The following C6 variants were observed in gnomAD, a reference collection of about 807,000 sequenced individuals.
C6 encodes complement C6.
Under a neutral mutation model 112.9 loss-of-function variants are expected in C6, and 101 were observed. The observed-to-expected ratio is 0.89, with a 90% confidence interval of 0.76 to 1.06. The LOEUF (loss-of-function observed/expected upper bound fraction) is 1.06. Ranked by LOEUF, C6 falls within the 50% of genes least tolerant of loss-of-function variation. The probability of loss-of-function intolerance (pLI) is 0.00; values close to 1 mark genes in which losing one functional copy is unlikely to be tolerated. For synonymous variants in C6, 431 were observed against 384.1 expected, an observed-to-expected ratio of 1.12 and a Z score of -1.43; for missense variants, 1,202 against 1,104.6, an observed-to-expected ratio of 1.09 and a Z score of -1.25.
intron 15 of C6, 114 bp downstream of exon 15, chr5:41,153,696 T>G (rs562930613): frequency 2.5e-6 from 2 of 808,388 alleles, no homozygotes. Context: ...CTGTCTAAAC[T>G]TGCATCTTTT....
intron 1 of C6, among the ~76,000 whole-genome samples, chr5:41,235,323 G>A (rs13357482): frequency 0.023 from 3,286 of 142,622 alleles, 129 homozygotes; most frequent in African/African-American, 0.082. Flanking sequence ...GAGAATATGC[G>A]GTGTTTGGTT....
chr5:41,187,247 G>A (rs1316447625), intron 5 of C6, among the ~76,000 whole-genome samples: 3 of 152,074 alleles, frequency 2.0e-5, no homozygotes, highest in Admixed American at 2.0e-4. Context: ...TGATAGTTGT[G>A]GGGGCTCAAG....
chr5:41,208,919 A>C (rs1751666140), intron 1 of C6, among the ~76,000 whole-genome samples: 1 of 152,120 alleles, frequency 6.6e-6, no homozygotes, highest in Admixed American at 6.6e-5. Flanking sequence ...ACACAACGAA[A>C]AAAGAGAATT....
Position 41,161,749 on chromosome 5 carries a change from T to C in C6, c.1402A>G (p.Thr468Ala). 6.2e-7 allele frequency: 1 copy of C among 1,613,704 alleles called. No individual in the cohort carries two copies. Among genetic ancestry groups the C allele is most frequent in the Non-Finnish European group, 8.5e-7 (1 of 1,179,708 alleles). Reference sequence around the variant, plus strand: ...ACTGATTCTAACCACTCAGAAAATGTCTTCTCCTCCAGACCAGAGCTCCCT... The same window carrying C: ...ACTGATTCTAACCACTCAGAAAATGCCTTCTCCTCCAGACCAGAGCTCCCT... The part of the protein sequence containing the change: ...EKGSSGLEEK[T>A]FSEWLESVKE... The change falls in exon 10 of 18, where the codon ACA (threonine) becomes GCA (alanine). Residue 468 changes from threonine (T) to alanine (A), a missense_variant. Thr to Ala is a moderately conservative substitution (Grantham distance 58). Transcript: ENST00000337836.
At chr5:41,150,969 G>A (rs1746338957) in intron 15 of C6, among the ~76,000 whole-genome samples, 2 of 152,176 alleles carry the variant, frequency 1.3e-5, no homozygotes, top group Admixed American at 6.5e-5. Flanking sequence ...AAAACAAGAG[G>A]ATGGAACAAG....
upstream of C6, among the ~76,000 whole-genome samples, chr5:41,217,770 A>G (rs887709879): frequency 3.9e-5 from 6 of 152,094 alleles, no homozygotes; most frequent in African/African-American, 1.4e-4. Flanking sequence ...CTAGGATTAT[A>G]CAGAAACTTA....
chr5:41,179,296 G>C (rs1433026535), intron 7 of C6, among the ~76,000 whole-genome samples: 1 of 152,120 alleles, frequency 6.6e-6, no homozygotes, highest in Non-Finnish European at 1.5e-5. Context: ...CTACATATAA[G>C]GGTTTTACAA....
intron 1 of C6, among the ~76,000 whole-genome samples, chr5:41,238,566 A>G (rs1486444834): frequency 6.6e-6 from 1 of 152,240 alleles, no homozygotes; most frequent in African/African-American, 2.4e-5. Context: ...AAAGAGGAAG[A>G]GAAGAGACAA....
upstream of C6, among the ~76,000 whole-genome samples, chr5:41,216,259 C>T (rs1008447593): frequency 1.3e-5 from 2 of 152,138 alleles, no homozygotes; most frequent in Non-Finnish European, 2.9e-5. Context: ...CCTACACCAA[C>T]TATTCTCTCA....
At chr5:41,160,742 CA>C (rs1328445417) in intron 10 of C6, among the ~76,000 whole-genome samples, 2 of 152,074 alleles carry the variant, frequency 1.3e-5, no homozygotes, top group Non-Finnish European at 2.9e-5. Flanking sequence ...ATTCAAGCAG[CA>C]AAAAATTTAG....
chr5:41,145,574 C>T (rs1318570329), intron 17 of C6, among the ~76,000 whole-genome samples: 2 of 152,140 alleles, frequency 1.3e-5, no homozygotes, highest in Non-Finnish European at 2.9e-5. Context: ...CGATTCTTTC[C>T]CATGTGTCTC....
In C6 at chr5:41,154,881, G is replaced by A. The variant is rs941277057; in HGVS notation, c.2101+91C>T. The A allele has an allele frequency of 9.3e-6, 12 of 1,293,442 alleles. No homozygotes were observed. The African/African-American group carries it at 1.6e-4, about 17-fold the overall frequency. The allele number at this position is 1,293,442 out of a possible 1,614,324, so 80.1% of individuals were successfully genotyped here. A position where few individuals can be genotyped will look rare whatever the true frequency, so the allele number is the denominator to read the frequency against. On this transcript the variant is annotated intron_variant, in intron 14 of 17. Coordinates refer to ENST00000337836, the MANE Select transcript of C6 (RefSeq NM_000065.5). Reference sequence around the variant, plus strand: ...CAGAGTTACTAAAAACTAGTAAAATGTATTGATCTAAGGATGTGATTTTAC... The same window carrying A: ...CAGAGTTACTAAAAACTAGTAAAATATATTGATCTAAGGATGTGATTTTAC...
At chr5:41,234,078 G>C (rs1035145797) in intron 1 of C6, among the ~76,000 whole-genome samples, 2 of 151,964 alleles carry the variant, frequency 1.3e-5, no homozygotes, top group Non-Finnish European at 2.9e-5. Context: ...GTTTTGGTAA[G>C]CCAGAATTTA....
intron 5 of C6, among the ~76,000 whole-genome samples, chr5:41,191,135 C>G (rs2150344908): frequency 7.1e-6 from 1 of 139,912 alleles, no homozygotes; most frequent in South Asian, 2.3e-4. Context: ...GGCACGACCT[C>G]TGCTCACTGC....
chr5:41,160,218 C>A lies in C6; in HGVS notation c.1608G>T (p.Gly536=), dbSNP rs1194069643. ...CPNNGRPTLS[G]TECLCVCQSG... Reference sequence around the variant, plus strand: ...TCTGACACACACACAGACATTCAGTCCCTGAGAGGGTGGGTCGGCCATTAT... The same window carrying A: ...TCTGACACACACACAGACATTCAGTACCTGAGAGGGTGGGTCGGCCATTAT... The change falls in exon 11 of 18, where the codon GGG becomes GGT. Residue 536 remains glycine, a synonymous_variant. Transcript: ENST00000337836. The A allele has an allele frequency of 6.2e-7, 1 of 1,613,928 alleles. No homozygotes were observed. Among genetic ancestry groups the A allele is most frequent in the Non-Finnish European group, 8.5e-7 (1 of 1,179,872 alleles).
intron 1 of C6, among the ~76,000 whole-genome samples, chr5:41,250,371 T>G (rs937963721): frequency 1.9e-4 from 29 of 152,218 alleles, no homozygotes; most frequent in African/African-American, 7.0e-4. Context: ...TTTAGAGCTG[T>G]TGTCTACCTG....
At chr5:41,206,210 C>T (rs1180696819) in intron 1 of C6, among the ~76,000 whole-genome samples, 2 of 152,188 alleles carry the variant, frequency 1.3e-5, no homozygotes, top group Non-Finnish European at 2.9e-5. Context: ...ACCAAAACCC[C>T]ATCTGTACGT....
chr5:41,225,765 TG>T lies in C6; in HGVS notation c.-20-22516del, dbSNP rs35581387. Among the ~76,000 whole-genome samples the T allele has an allele frequency of 9.7e-3, 1,474 of 152,166 alleles. 15 individuals are homozygous for T. Among genetic ancestry groups the T allele is most frequent in the Non-Finnish European group, 0.014 (956 of 67,994 alleles). On this transcript the variant is annotated intron_variant, in intron 1 of 17. Transcript: ENST00000263413. ...GTACCAAAACAGAGATATAGACCAA[TG>T]GAACAGAACAGAGCCCTCAGAAATA...
chr5:41,173,193 T>A (rs1035833185), intron 8 of C6, among the ~76,000 whole-genome samples: 6 of 152,186 alleles, frequency 3.9e-5, no homozygotes, highest in Admixed American at 3.9e-4. Flanking sequence ...CCCCATGGTC[T>A]TATAACCTGC....
Sources: gnomAD v4.1 joint callset for allele counts (sites outside exome capture counted in the v4.1 genomes callset) on GRCh38, gnomAD v4.1.1 for gene constraint, MANE v1.5 for transcripts, NCBI Gene and HGNC (gene_info 2026-07-23, HGNC 2026-07-21) for gene names.